The following CATSPERT variants were observed in gnomAD, a reference collection of about 807,000 sequenced individuals.
CATSPERT encodes the protein cation channel sperm-associated targeting subunit tau.
chr2:201,590,574 A>G, the CATSPERT span, among the ~76,000 whole-genome samples: 1 of 152,094 alleles, frequency 6.6e-6, no homozygotes, highest in Non-Finnish European at 1.5e-5. Context: ...GACTTCCACA[A>G]TGGTTGAACT....
At chr2:201,547,384 C>A in the CATSPERT span, 2 of 556,280 alleles carry the variant, frequency 3.6e-6, no homozygotes, top group South Asian at 2.5e-5. Context: ...GTACCTGAAC[C>A]ATGAAAAATA....
the CATSPERT span, among the ~76,000 whole-genome samples, chr2:201,612,271 G>A: frequency 6.4e-4 from 98 of 152,182 alleles, 1 homozygote; most frequent in African/African-American, 2.3e-3. Context: ...CTAATTTAGA[G>A]GGTTTCAAAA....
At chr2:201,617,506 C>T in the CATSPERT span, among the ~76,000 whole-genome samples, 1,234 of 152,178 alleles carry the variant, frequency 8.1e-3, 17 homozygotes, top group African/African-American at 0.028. Context: ...GCTCGCCATA[C>T]GTAGAAAGCT....
At chr2:201,605,059 T>TACACACACACACACACACACACATACAC in the CATSPERT span, among the ~76,000 whole-genome samples, 2 of 149,750 alleles carry the variant, frequency 1.3e-5, no homozygotes. Context: ...TATATATACA[T>TACACACACACACACACACACACATACAC]ACACACACAC....
the CATSPERT span, chr2:201,556,973 T>C: frequency 6.6e-6 from 1 of 152,142 alleles, no homozygotes; most frequent in Non-Finnish European, 1.5e-5. Flanking sequence ...CATATAAAGA[T>C]ATTTCATACC....
chr2:201,544,437 C>A, the CATSPERT span, among the ~76,000 whole-genome samples: 1 of 152,136 alleles, frequency 6.6e-6, no homozygotes, highest in Non-Finnish European at 1.5e-5. Flanking sequence ...TAAAAGACTG[C>A]ATGAACAGTC....
At chr2:201,613,119 TG>T in the CATSPERT span, among the ~76,000 whole-genome samples, 1 of 152,162 alleles carries the variant, frequency 6.6e-6, no homozygotes, top group Non-Finnish European at 1.5e-5. Flanking sequence ...ACTCCACCTC[TG>T]GGGGGCAGGG....
At chr2:201,581,073 C>A in the CATSPERT span, among the ~76,000 whole-genome samples, 1 of 152,088 alleles carries the variant, frequency 6.6e-6, no homozygotes, top group Non-Finnish European at 1.5e-5. Context: ...TATTTCAAAA[C>A]ATCATTCTGT....
At chr2:201,545,576 G>A in the CATSPERT span, 1 of 1,363,954 alleles carries the variant, frequency 7.3e-7, no homozygotes, top group Non-Finnish European at 9.6e-7. Context: ...TCCTCTTCAG[G>A]ATGATTACTT....
the CATSPERT span, among the ~76,000 whole-genome samples, chr2:201,530,358 TATCAACAG>T: frequency 6.6e-6 from 1 of 152,182 alleles, no homozygotes. Context: ...CTTAAGTGTC[TATCAACAG>T]ATCAATGGAT....
the CATSPERT span, chr2:201,604,614 A>G: frequency 6.3e-7 from 1 of 1,590,164 alleles, no homozygotes; most frequent in South Asian, 1.1e-5. Context: ...TACATACCAC[A>G]TCCCCAAATG....
the CATSPERT span, among the ~76,000 whole-genome samples, chr2:201,563,133 C>A: frequency 1.1e-4 from 7 of 61,880 alleles, no homozygotes; most frequent in African/African-American, 3.4e-4. Context: ...GGGCGGCTGG[C>A]CGGGCGGGGG....
the CATSPERT span, among the ~76,000 whole-genome samples, chr2:201,598,377 T>C: frequency 6.6e-6 from 1 of 152,154 alleles, no homozygotes; most frequent in Non-Finnish European, 1.5e-5. Flanking sequence ...AATCCTGGGA[T>C]TATAGGCGTG....
the CATSPERT span, among the ~76,000 whole-genome samples, chr2:201,502,169 A>G: frequency 6.6e-6 from 1 of 152,164 alleles, no homozygotes; most frequent in Non-Finnish European, 1.5e-5. Flanking sequence ...GTGAATACAA[A>G]CTCCAAAAAA....
chr2:201,549,914 G>A, the CATSPERT span: 3 of 141,886 alleles, frequency 2.1e-5, no homozygotes, highest in East Asian at 5.8e-4. Context: ...TTCCCCAACT[G>A]TAAAAACCAT....
At chr2:201,492,298 T>C in the CATSPERT span, 4 of 1,535,774 alleles carry the variant, frequency 2.6e-6, no homozygotes, top group Non-Finnish European at 3.5e-6. Context: ...TATATGCTGG[T>C]TGATCCCTTC....
the CATSPERT span, among the ~76,000 whole-genome samples, chr2:201,502,898 G>GT: frequency 4.2e-4 from 62 of 147,154 alleles, no homozygotes; most frequent in East Asian, 2.8e-3. Flanking sequence ...ATACTGTGTT[G>GT]TTTTTTTTTT....
the CATSPERT span, among the ~76,000 whole-genome samples, chr2:201,583,519 CATTAT>C: frequency 6.6e-6 from 1 of 152,108 alleles, no homozygotes; most frequent in Non-Finnish European, 1.5e-5. Context: ...ACATGGTAAA[CATTAT>C]ATTATGTATA....
the CATSPERT span, among the ~76,000 whole-genome samples, chr2:201,590,848 ATTTG>A: frequency 3.6e-4 from 55 of 151,204 alleles, 1 homozygote; most frequent in Non-Finnish European, 1.6e-4. Context: ...TTTCTTGTAA[ATTTG>A]TTTGAGTTCA....
Sources: allele counts gnomAD v4.1 joint callset (sites outside exome capture counted in the v4.1 genomes callset), GRCh38; gene constraint gnomAD v4.1.1; transcripts MANE v1.5; gene names NCBI Gene and HGNC (gene_info 2026-07-23, HGNC 2026-07-21).